The following B3GLCT variants were observed in gnomAD, a reference collection of about 807,000 sequenced individuals.
B3GLCT encodes beta-1,3-glucosyltransferase.
A neutral mutation model predicts 63.4 loss-of-function variants in B3GLCT; 65 were observed. The observed-to-expected ratio is 1.03, with a 90% CI of 0.84 to 1.26. The LOEUF is 1.26. Among genes scored for constraint, B3GLCT ranks in the 50% most tolerant of loss-of-function variants. The pLI, the probability that B3GLCT is intolerant of heterozygous loss-of-function variation, is 0.00. For synonymous variants in B3GLCT, 233 were observed against 219.2 expected (o/e 1.06, Z -0.55); for missense variants, 577 against 604.8 (o/e 0.95, Z 0.48).
intron 11 of B3GLCT, 25 bp downstream of exon 11, chr13:31,284,786 C>A: frequency 8.5e-7 from 1 of 1,172,606 alleles, no homozygotes. Context: ...TTACTACTCT[C>A]CTTATTAAAC....
intron 7 of B3GLCT, among the ~76,000 whole-genome samples, chr13:31,268,865 AAT>A (rs1872451229): frequency 6.6e-6 from 1 of 152,222 alleles, no homozygotes; most frequent in Non-Finnish European, 1.5e-5. Context: ...TCTCAAGCAT[AAT>A]TTATTTCCCT....
intron 13 of B3GLCT, among the ~76,000 whole-genome samples, chr13:31,320,239 T>C (rs1234817874): frequency 6.6e-6 from 1 of 152,192 alleles, no homozygotes; most frequent in African/African-American, 2.4e-5. Context: ...TTTTCTACTT[T>C]TGACATCTAA....
intron 4 of B3GLCT, 51 bp from the exon 5 acceptor site, chr13:31,246,972 T>TTTTTTTTTA: frequency 8.1e-7 from 1 of 1,231,114 alleles, no homozygotes; most frequent in Non-Finnish European, 1.2e-6. Flanking sequence ...TTTTTACTTT[T>TTTTTTTTTA]TTTCGGAGTA....
intron 1 of B3GLCT, 36 bp downstream of exon 1, chr13:31,200,190 C>T (rs1299463229): frequency 8.2e-7 from 1 of 1,225,790 alleles, no homozygotes; most frequent in East Asian, 4.1e-5. Context: ...AAGGGCGAGG[C>T]GTGGGGTTCG....
chr13:31,295,531 A>G (rs1266577848), intron 12 of B3GLCT, among the ~76,000 whole-genome samples: 1 of 152,188 alleles, frequency 6.6e-6, no homozygotes, highest in Non-Finnish European at 1.5e-5. Context: ...AGGAATCTAG[A>G]GAGGCAGTCT....
At chr13:31,308,962 A>G (rs1052889044) in intron 12 of B3GLCT, among the ~76,000 whole-genome samples, 1 of 152,212 alleles carries the variant, frequency 6.6e-6, no homozygotes, top group African/African-American at 2.4e-5. Flanking sequence ...GCTAGTATAG[A>G]TAACAATAAT....
chr13:31,274,437 G>C, intron 8 of B3GLCT, 72 bp from the exon 9 acceptor site: 1 of 1,592,114 alleles, frequency 6.3e-7, no homozygotes, highest in Admixed American at 1.7e-5. Context: ...TTTCCCTTGA[G>C]ATATTTTGTC....
At chr13:31,301,047 A>C (rs1363226305) in intron 12 of B3GLCT, among the ~76,000 whole-genome samples, 1 of 152,216 alleles carries the variant, frequency 6.6e-6, no homozygotes, top group African/African-American at 2.4e-5. Flanking sequence ...GACTAGAAGC[A>C]AGATGGAGTC....
At chr13:31,250,581 A>G (rs192044573) in intron 6 of B3GLCT, among the ~76,000 whole-genome samples, 69 of 152,364 alleles carry the variant, frequency 4.5e-4, no homozygotes, top group African/African-American at 1.6e-3. Flanking sequence ...CTCACAGTGT[A>G]AACAAAGCCA....
chr13:31,223,577 C>T (rs927020199), intron 3 of B3GLCT, among the ~76,000 whole-genome samples: 5 of 152,142 alleles, frequency 3.3e-5, no homozygotes, highest in Non-Finnish European at 5.9e-5. Context: ...ACACCCTCTC[C>T]GCCATAGTTT....
At chr13:31,231,522 C>T (rs923803296) in intron 4 of B3GLCT, among the ~76,000 whole-genome samples, 6 of 152,204 alleles carry the variant, frequency 3.9e-5, no homozygotes, top group African/African-American at 9.7e-5. Flanking sequence ...TAGTTGATTG[C>T]ATATGCCCCT....
chr13:31,221,583 G>A (rs1381718626), intron 2 of B3GLCT, among the ~76,000 whole-genome samples: 1 of 152,140 alleles, frequency 6.6e-6, no homozygotes, highest in Non-Finnish European at 1.5e-5. Context: ...CTACTCAGTG[G>A]CATTTCTAGT....
intron 12 of B3GLCT, among the ~76,000 whole-genome samples, chr13:31,294,051 C>G (rs1226514845): frequency 6.6e-6 from 1 of 152,174 alleles, no homozygotes; most frequent in Non-Finnish European, 1.5e-5. Flanking sequence ...GATTTTATTT[C>G]TCTTTCGCTT....
intron 3 of B3GLCT, among the ~76,000 whole-genome samples, chr13:31,223,380 G>A (rs1036157798): frequency 1.3e-4 from 20 of 152,142 alleles, no homozygotes; most frequent in Non-Finnish European, 2.8e-4. Context: ...TGACATTAGC[G>A]CAGGCCGTCC....
intron 12 of B3GLCT, 116 bp from the exon 13 acceptor site, chr13:31,317,450 T>TGAA: frequency 8.0e-7 from 1 of 1,253,210 alleles, no homozygotes. Flanking sequence ...TTTCTTCTCT[T>TGAA]AACTATTTCA....
At chr13:31,317,062 G>T (rs1807103484) in intron 12 of B3GLCT, among the ~76,000 whole-genome samples, 1 of 152,342 alleles carries the variant, frequency 6.6e-6, no homozygotes, top group African/African-American at 2.4e-5. Flanking sequence ...TAGCCTCACT[G>T]CCCAAATTCT....
chr13:31,295,676 G>A (rs550443971), intron 12 of B3GLCT, among the ~76,000 whole-genome samples: 31 of 152,278 alleles, frequency 2.0e-4, no homozygotes, highest in African/African-American at 7.0e-4. Context: ...CACCAAGCTC[G>A]AGCATCCCAG....
At chr13:31,246,503 A>C (rs776841678) in intron 4 of B3GLCT, among the ~76,000 whole-genome samples, 104 of 150,808 alleles carry the variant, frequency 6.9e-4, no homozygotes, top group Non-Finnish European at 1.2e-3. Flanking sequence ...TTTTGTTATC[A>C]GGGTATTTTA....
chr13:31,296,369 T>C (rs887986213), intron 12 of B3GLCT, among the ~76,000 whole-genome samples: 7 of 152,212 alleles, frequency 4.6e-5, no homozygotes, highest in Admixed American at 1.3e-4. Flanking sequence ...TGGGTTCTAG[T>C]GAGGGCTCTC....
Sources: allele counts gnomAD v4.1 joint callset (sites outside exome capture counted in the v4.1 genomes callset), GRCh38; gene constraint gnomAD v4.1.1; transcripts MANE v1.5; gene names NCBI Gene and HGNC (gene_info 2026-07-23, HGNC 2026-07-21).